The following ANKS1B variants were observed in gnomAD, a reference collection of about 807,000 sequenced individuals.
ANKS1B encodes ankyrin repeat and sterile alpha motif domain containing 1B, also known as ankyrin repeat and sterile alpha motif domain-containing protein 1B.
A neutral mutation model predicts 148.3 loss-of-function variants in ANKS1B; 36 were observed. The observed-to-expected ratio is 0.24, with a 90% CI of 0.19 to 0.32. The LOEUF (loss-of-function observed/expected upper bound fraction) is 0.32. ANKS1B is among the 10% of genes least tolerant of loss of function. The pLI is 1.00. For synonymous variants in ANKS1B, 542 were observed against 560.8 expected, an observed-to-expected ratio of 0.97 and a Z score of 0.47; for missense variants, 1,157 against 1,542.6, an observed-to-expected ratio of 0.75 and a Z score of 4.19.
intron 12 of ANKS1B, among the ~76,000 whole-genome samples, chr12:99,294,018 G>A (rs1397795751): frequency 6.6e-6 from 1 of 152,082 alleles, no homozygotes; most frequent in African/African-American, 2.4e-5. Context: ...CCAAAAATAC[G>A]AGTAATAATG....
In ANKS1B at chr12:98,963,325, G is replaced by A. The variant is rs754768128; in HGVS notation, c.2778+89832C>T. ...CTCCTGGGTAACTGGGATTACAGGT[G>A]TGCCAACATGCCTGGCTAATTTTTG... On this transcript the variant is annotated intron_variant, in intron 17 of 26. Coordinates refer to ENST00000683438, the MANE Select transcript of ANKS1B (RefSeq NM_001352186.2). Among the ~76,000 whole-genome samples the A allele has an allele frequency of 7.0e-4, 106 of 152,038 alleles. 1 individual carries two copies. Among genetic ancestry groups the A allele is most frequent in the Non-Finnish European group, 1.3e-3 (87 of 67,990 alleles).
At chr12:99,327,312 T>TTATAATTACATATTATA (rs2086598332) in intron 12 of ANKS1B, among the ~76,000 whole-genome samples, 1 of 119,212 alleles carries the variant, frequency 8.4e-6, no homozygotes, top group African/African-American at 3.6e-5. Context: ...TAATTATATA[T>TTATAATTACATATTATA]TATAATTACA....
chr12:99,660,387 G>A (rs1464992352), intron 8 of ANKS1B, among the ~76,000 whole-genome samples: 4 of 119,428 alleles, frequency 3.3e-5, no homozygotes, highest in East Asian at 2.6e-4. Flanking sequence ...TTTTTGAGGT[G>A]GAGTCTCACT....
chr12:98,961,663 A>C (rs2099871647), intron 17 of ANKS1B, among the ~76,000 whole-genome samples: 1 of 152,176 alleles, frequency 6.6e-6, no homozygotes, highest in Admixed American at 6.5e-5. Context: ...AACCAATCAA[A>C]AATAATAACT....
chr12:99,138,902 C>T (rs1439315546), intron 15 of ANKS1B, among the ~76,000 whole-genome samples: 2 of 152,014 alleles, frequency 1.3e-5, no homozygotes, highest in African/African-American at 2.4e-5. Flanking sequence ...AGCTTGCTTT[C>T]TTCTTTCTTT....
intron 13 of ANKS1B, 60 bp downstream of exon 13, chr12:99,246,215 C>T: frequency 7.5e-7 from 1 of 1,332,718 alleles, no homozygotes. Flanking sequence ...AAATCCTTCC[C>T]CCAAACCTCC....
At position 98,780,860 on chromosome 12, in the gene ANKS1B, G is replaced by A. The variant is rs143208630; in HGVS notation, c.3441+257C>T. 1.7e-4 allele frequency among the ~76,000 whole-genome samples: 26 copies of A among 152,300 alleles called. No homozygotes were observed. The East Asian group carries it at 4.8e-3, about 28-fold the overall frequency. The stretch of plus-strand genomic sequence containing the variant: ...CACAGTCTATTAGAGAAAGCATCAT[G>A]ACAAAGTGAAAGCACAATATTTATA... On this transcript the variant is annotated intron_variant, in intron 24 of 26. Transcript: ENST00000683438.
At chr12:98,814,699 C>T (rs1594537693) in intron 19 of ANKS1B, among the ~76,000 whole-genome samples, 1 of 152,296 alleles carries the variant, frequency 6.6e-6, no homozygotes, top group South Asian at 2.1e-4. Flanking sequence ...TGCCTATTTT[C>T]TCTCAATCCC....
At chr12:99,201,254 C>T (rs1309541606) in intron 14 of ANKS1B, among the ~76,000 whole-genome samples, 1 of 151,788 alleles carries the variant, frequency 6.6e-6, no homozygotes, top group African/African-American at 2.4e-5. Flanking sequence ...TGTGGTCAGG[C>T]CAGCAGAATA....
intron 17 of ANKS1B, among the ~76,000 whole-genome samples, chr12:98,970,391 C>T (rs1484763617): frequency 6.6e-6 from 1 of 152,202 alleles, no homozygotes; most frequent in Non-Finnish European, 1.5e-5. Flanking sequence ...GCCATGCAGA[C>T]TTGCCAATAT....
intron 12 of ANKS1B, among the ~76,000 whole-genome samples, chr12:99,378,323 C>T (rs533084340): frequency 1.3e-5 from 2 of 152,016 alleles, no homozygotes; most frequent in Non-Finnish European, 2.9e-5. Context: ...AGAAAATCCA[C>T]GAAGTTCTTA....
intron 15 of ANKS1B, among the ~76,000 whole-genome samples, chr12:99,115,492 G>A (rs190205022): frequency 6.6e-6 from 1 of 152,248 alleles, no homozygotes; most frequent in Non-Finnish European, 1.5e-5. Context: ...GGAGAAGGGA[G>A]AAGAGCAGAA....
chr12:99,241,320 C>T (rs563095650), intron 14 of ANKS1B, among the ~76,000 whole-genome samples: 137 of 152,266 alleles, frequency 9.0e-4, no homozygotes, highest in South Asian at 3.9e-3. Context: ...AATTCCTGGA[C>T]ACATACACCT....
At chr12:99,731,413 C>CGTGTGTGTGTGTGT (rs71088145) in intron 8 of ANKS1B, among the ~76,000 whole-genome samples, 30 of 143,826 alleles carry the variant, frequency 2.1e-4, no homozygotes, top group East Asian at 4.2e-4. Flanking sequence ...ACCACCGTGC[C>CGTGTGTGTGTGTGT]GTGTGTGTGT....
At chr12:99,489,219 G>A (rs1055137531) in intron 10 of ANKS1B, among the ~76,000 whole-genome samples, 3 of 148,992 alleles carry the variant, frequency 2.0e-5, no homozygotes, top group African/African-American at 5.0e-5. Context: ...TCCAGCCTGG[G>A]TGATAGAGCA....
At chr12:99,730,359 T>C (rs751815718) in intron 8 of ANKS1B, among the ~76,000 whole-genome samples, 10 of 152,118 alleles carry the variant, frequency 6.6e-5, no homozygotes, top group Non-Finnish European at 1.3e-4. Context: ...GGCAGACAAT[T>C]GCACACTCTC....
intron 17 of ANKS1B, among the ~76,000 whole-genome samples, chr12:98,962,144 T>TAA (rs549255869): frequency 4.5e-5 from 6 of 134,470 alleles, no homozygotes; most frequent in Middle Eastern, 3.4e-3. Flanking sequence ...GCTGAATGGA[T>TAA]AAAAAAAAAA....
chr12:99,503,566 C>T (rs2096676221), intron 10 of ANKS1B, among the ~76,000 whole-genome samples: 1 of 152,074 alleles, frequency 6.6e-6, no homozygotes, highest in African/African-American at 2.4e-5. Flanking sequence ...AGCTATTTCC[C>T]TCTTGCACCT....
At chr12:99,801,638 T>C (rs1030582837) in intron 4 of ANKS1B, among the ~76,000 whole-genome samples, 1 of 151,994 alleles carries the variant, frequency 6.6e-6, no homozygotes, top group Non-Finnish European at 1.5e-5. Context: ...AGAAAGGGGA[T>C]GGTAAGGAGA....
Sources: allele counts gnomAD v4.1 joint callset (sites outside exome capture counted in the v4.1 genomes callset), GRCh38; gene constraint gnomAD v4.1.1; transcripts MANE v1.5; gene names NCBI Gene and HGNC (gene_info 2026-07-23, HGNC 2026-07-21).